The following STON1 variants were observed in gnomAD, a reference collection of about 807,000 sequenced individuals.
STON1 encodes the protein stonin-1.
A neutral mutation model predicts 60.9 loss-of-function variants in STON1; 79 were observed. The observed-to-expected ratio is 1.30, with a 90% CI of 1.08 to 1.56. The LOEUF (loss-of-function observed/expected upper bound fraction) is 1.56, where lower values mean the gene tolerates loss of function less well. Ranked by LOEUF, STON1 falls within the 40% of genes most tolerant of loss-of-function variation. The probability of loss-of-function intolerance (pLI) is 0.00; values close to 1 mark genes in which losing one functional copy is unlikely to be tolerated. For synonymous variants in STON1, 363 were observed against 306.9 expected (o/e 1.18, Z -1.91); for missense variants, 1,166 against 858.9 (o/e 1.36, Z -4.47).
intron 1 of STON1, among the ~76,000 whole-genome samples, chr2:48,577,379 G>C (rs1317859626): frequency 6.6e-6 from 1 of 151,870 alleles, no homozygotes; most frequent in Non-Finnish European, 1.5e-5. Flanking sequence ...TCGGGAGTTT[G>C]AGACCAGCCT....
At chr2:48,563,823 A>G (rs1485081357) in intron 1 of STON1, among the ~76,000 whole-genome samples, 3 of 151,760 alleles carry the variant, frequency 2.0e-5, no homozygotes. Flanking sequence ...CCTCCTAAGT[A>G]GCTGGGACTA....
intron 1 of STON1, among the ~76,000 whole-genome samples, chr2:48,549,191 CTAAAG>C (rs944176063): frequency 6.6e-6 from 1 of 152,178 alleles, no homozygotes; most frequent in African/African-American, 2.4e-5. Context: ...TAAGACCACA[CTAAAG>C]TAAACTAAAA....
At chr2:48,563,762 C>T (rs1394623643) in intron 1 of STON1, among the ~76,000 whole-genome samples, 5 of 151,926 alleles carry the variant, frequency 3.3e-5, no homozygotes, top group African/African-American at 4.8e-5. Flanking sequence ...GGTGTGATTT[C>T]GGCTCAATGC....
At chr2:48,535,393 G>A (rs1480093742) in intron 1 of STON1, among the ~76,000 whole-genome samples, 1 of 152,148 alleles carries the variant, frequency 6.6e-6, no homozygotes, top group African/African-American at 2.4e-5. Context: ...GGAGAGCTCT[G>A]GGAAAAAATG....
chr2:48,565,298 C>G (rs559453558), intron 1 of STON1, among the ~76,000 whole-genome samples: 5 of 151,634 alleles, frequency 3.3e-5, no homozygotes, highest in African/African-American at 1.2e-4. Flanking sequence ...GTGATCCACC[C>G]GCCTCGGCCT....
chr2:48,574,402 T>C (rs1673366057), intron 1 of STON1, among the ~76,000 whole-genome samples: 1 of 149,794 alleles, frequency 6.7e-6, no homozygotes. Flanking sequence ...AAAGAAAGAA[T>C]GTTGTGGAAT....
At chr2:48,569,215 A>T (rs137937896) in intron 1 of STON1, 1 of 152,352 alleles carries the variant, frequency 6.6e-6, no homozygotes, top group East Asian at 1.9e-4. Context: ...CACCATGAAC[A>T]CATAGTTATT....
Position 48,598,237 on chromosome 2 carries a change from T to A in STON1, c.*2935T>A, listed in dbSNP as rs1331090443. On this transcript the variant is annotated 3_prime_UTR_variant, in exon 4 of 4. Coordinates refer to ENST00000404752, the MANE Select transcript of STON1 (RefSeq NM_006873.4). ...TGTAAAAAAGATACTTTCCAGCACA[T>A]AAATAAAGGCTGGAATTTTACAACC... 6.6e-6 allele frequency: 1 copy of A among 152,286 alleles called. No homozygotes were observed. Among genetic ancestry groups the A allele is most frequent in the African/African-American group, 2.4e-5 (1 of 41,460 alleles). The allele number at this position is 152,286 out of a possible 1,614,324, so 9.4% of individuals were successfully genotyped here. A position where few individuals can be genotyped will look rare whatever the true frequency, so the allele number is the denominator to read the frequency against.
intron 1 of STON1, among the ~76,000 whole-genome samples, chr2:48,571,855 A>C (rs1673225780): frequency 6.6e-6 from 1 of 152,124 alleles, no homozygotes; most frequent in Non-Finnish European, 1.5e-5. Flanking sequence ...GGTAAGAGAA[A>C]CGGAAGCAAG....
rs1674525968 is a variant in STON1 at position 48,591,724 on chromosome 2, T to C, written c.2002T>C (p.Tyr668His). 3.1e-6 allele frequency: 5 copies of C among 1,614,166 alleles called. No individual in the cohort carries two copies. Among genetic ancestry groups the C allele is most frequent in the Non-Finnish European group, 4.2e-6 (5 of 1,180,024 alleles). The change falls in exon 3 of 4, where the codon TAT becomes CAT. Residue 668 changes from tyrosine to histidine, a missense_variant. Tyr to His is a moderately conservative substitution (Grantham distance 83). Transcript: ENST00000404752. Reference sequence around the variant, plus strand: ...AGACCAAGAAATTCCCTCTGATTGGTATCCATTTGCTACTGTTCAGTTTTC... The same window carrying C: ...AGACCAAGAAATTCCCTCTGATTGGCATCCATTTGCTACTGTTCAGTTTTC... ...GSDQEIPSDW[Y>H]PFATVQFSVP...
At chr2:48,584,809 C>A (rs11693559) in intron 2 of STON1, among the ~76,000 whole-genome samples, 48,884 of 151,834 alleles carry the variant, frequency 0.32, 8,049 homozygotes, top group East Asian at 0.42. Context: ...ACTTGAGGGG[C>A]AGCACTGCCC....
chr2:48,589,640 G>A (rs185471152), intron 2 of STON1, among the ~76,000 whole-genome samples: 9 of 152,122 alleles, frequency 5.9e-5, no homozygotes, highest in Non-Finnish European at 1.0e-4. Flanking sequence ...GAAAGGTTTT[G>A]TTTCTGACAT....
intron 1 of STON1, among the ~76,000 whole-genome samples, chr2:48,542,499 G>A (rs1671693910): frequency 6.6e-6 from 1 of 152,138 alleles, no homozygotes; most frequent in Non-Finnish European, 1.5e-5. Flanking sequence ...TGAGATAACT[G>A]GAAATAATAT....
chr2:48,583,515 T>A (rs1674020460), intron 2 of STON1, among the ~76,000 whole-genome samples: 1 of 152,220 alleles, frequency 6.6e-6, no homozygotes, highest in Non-Finnish European at 1.5e-5. Context: ...GTACCACATT[T>A]ATTTTGGAGT....
chr2:48,537,790 C>T (rs1157110308), intron 1 of STON1, among the ~76,000 whole-genome samples: 1 of 145,646 alleles, frequency 6.9e-6, no homozygotes, highest in East Asian at 2.0e-4. Context: ...GTGGAGATTG[C>T]AGTGTGCTGA....
chr2:48,592,688 C>T (rs974435259), intron 3 of STON1, among the ~76,000 whole-genome samples: 13 of 151,108 alleles, frequency 8.6e-5, no homozygotes, highest in Non-Finnish European at 1.3e-4. Context: ...CTCAAACTCC[C>T]GACCTTAGGT....
intron 1 of STON1, among the ~76,000 whole-genome samples, chr2:48,559,488 T>A (rs991735466): frequency 6.6e-6 from 1 of 152,190 alleles, no homozygotes. Context: ...AGAGCCCTTA[T>A]GACCTAATCA....
intron 2 of STON1, among the ~76,000 whole-genome samples, chr2:48,587,059 C>A (rs1674249052): frequency 6.6e-6 from 1 of 152,196 alleles, no homozygotes; most frequent in Admixed American, 6.5e-5. Context: ...GTTTCCCAGT[C>A]CTGGCCACAT....
At chr2:48,570,547 G>T (rs1673150700) in intron 1 of STON1, among the ~76,000 whole-genome samples, 1 of 152,072 alleles carries the variant, frequency 6.6e-6, no homozygotes, top group Non-Finnish European at 1.5e-5. Context: ...GCACGTGCTA[G>T]GCTTTTGAAT....
Sources: gnomAD v4.1 joint callset for allele counts (sites outside exome capture counted in the v4.1 genomes callset) on GRCh38, gnomAD v4.1.1 for gene constraint, MANE v1.5 for transcripts, NCBI Gene and HGNC (gene_info 2026-07-23, HGNC 2026-07-21) for gene names.